Variants in ADK observed in about 807,000 individuals in gnomAD.
ADK encodes adenosine kinase, also known as N6,N6-dimethyladenosine kinase.
In ADK, 24 loss-of-function variants were observed where a neutral mutation model predicts 44.7. That is an observed-to-expected ratio of 0.54 (90% confidence interval 0.39 to 0.76). The LOEUF (loss-of-function observed/expected upper bound fraction) is 0.76. ADK is among the 30% of genes least tolerant of loss of function. The pLI, the probability that ADK is intolerant of heterozygous loss-of-function variation, is 0.00. For synonymous variants in ADK, 128 were observed against 142.6 expected, an observed-to-expected ratio of 0.90 and a Z score of 0.73; for missense variants, 321 against 425.1, an observed-to-expected ratio of 0.76 and a Z score of 2.15.
rs148113062 is a variant in ADK at position 74,176,353 on chromosome 10, T to C, written c.66-24411T>C. On this transcript the variant is annotated intron_variant, in intron 1 of 10. Transcript: ENST00000539909. Reference sequence around the variant, plus strand: ...CTTTTTTTCCCCCCACCTTTGCAGATGGATTTTGCAGGCTGTTAAATCCCA... The same window carrying C: ...CTTTTTTTCCCCCCACCTTTGCAGACGGATTTTGCAGGCTGTTAAATCCCA... 101 of 653,844 alleles carry C rather than the reference T, an allele frequency of 1.5e-4. No individual in the cohort carries two copies. The East Asian group carries it at 0.012, about 75-fold the overall frequency. 40.5% of individuals were successfully genotyped at this position (653,844 alleles called of 1,614,324 possible).
At chr10:74,317,605 G>A (rs535232284) in intron 4 of ADK, among the ~76,000 whole-genome samples, 46 of 151,790 alleles carry the variant, frequency 3.0e-4, no homozygotes, top group African/African-American at 2.4e-5. Context: ...TGACTTCCTT[G>A]GATATGTGCC....
intron 9 of ADK, among the ~76,000 whole-genome samples, chr10:74,638,297 AT>A (rs567078739): frequency 9.7e-4 from 148 of 152,118 alleles, no homozygotes; most frequent in African/African-American, 3.3e-3. Context: ...CATTAGCTTG[AT>A]TTTTTTTATT....
intron 3 of ADK, among the ~76,000 whole-genome samples, chr10:74,254,339 A>C (rs1845750717): frequency 6.6e-6 from 1 of 152,044 alleles, no homozygotes; most frequent in Admixed American, 6.6e-5. Flanking sequence ...CTTCACACCT[A>C]ATTTTGTATT....
intron 6 of ADK, among the ~76,000 whole-genome samples, chr10:74,407,319 T>A (rs942322515): frequency 6.6e-6 from 1 of 152,232 alleles, no homozygotes; most frequent in African/African-American, 2.4e-5. Context: ...AATCTGCCAT[T>A]AATCTCATCC....
At chr10:74,210,351 A>G (rs1843769264) in intron 2 of ADK, among the ~76,000 whole-genome samples, 2 of 150,430 alleles carry the variant, frequency 1.3e-5, no homozygotes, top group Admixed American at 6.6e-5. Context: ...AAAAAAAAAA[A>G]TAGAAAATAC....
intron 7 of ADK, among the ~76,000 whole-genome samples, chr10:74,587,538 C>T (rs920188599): frequency 1.3e-5 from 2 of 152,064 alleles, no homozygotes; most frequent in Non-Finnish European, 2.9e-5. Context: ...GTATTTTTTT[C>T]CCAATGTTTT....
intron 7 of ADK, among the ~76,000 whole-genome samples, chr10:74,548,769 C>T (rs1235495607): frequency 6.6e-6 from 1 of 152,222 alleles, no homozygotes; most frequent in African/African-American, 2.4e-5. Flanking sequence ...ATCCCTTAAA[C>T]AATCTGTACA....
At chr10:74,682,576 T>TTTTCTTTTC (rs199734038) in intron 10 of ADK, among the ~76,000 whole-genome samples, 19 of 83,902 alleles carry the variant, frequency 2.3e-4, no homozygotes, top group South Asian at 5.5e-4. Flanking sequence ...TTTTCTTTTC[T>TTTTCTTTTC]TTTTTTTTTT....
chr10:74,195,692 C>CTTTTCTTTTT (rs1564585525), intron 1 of ADK, among the ~76,000 whole-genome samples: 1 of 115,242 alleles, frequency 8.7e-6, no homozygotes, highest in African/African-American at 3.7e-5. Context: ...TTCTTTCTTT[C>CTTTTCTTTTT]TTTTTCTTTT....
At chr10:74,181,146 A>G (rs930585473) in intron 1 of ADK, among the ~76,000 whole-genome samples, 1 of 152,154 alleles carries the variant, frequency 6.6e-6, no homozygotes, top group Non-Finnish European at 1.5e-5. Flanking sequence ...ACACAGTTAC[A>G]TATCTTGAAC....
intron 2 of ADK, among the ~76,000 whole-genome samples, chr10:74,222,482 A>G (rs549726531): frequency 6.6e-4 from 101 of 151,930 alleles, no homozygotes; most frequent in African/African-American, 2.4e-3. Flanking sequence ...AACTAGAAAT[A>G]CCATTTGACC....
chr10:74,441,452 T>TG (rs1322236152), intron 6 of ADK, among the ~76,000 whole-genome samples: 5 of 152,230 alleles, frequency 3.3e-5, no homozygotes, highest in African/African-American at 1.2e-4. Context: ...TGAATGTTTA[T>TG]GGCAGCATTA....
intron 3 of ADK, among the ~76,000 whole-genome samples, chr10:74,260,177 C>G (rs1043872787): frequency 4.6e-5 from 7 of 152,206 alleles, no homozygotes; most frequent in Non-Finnish European, 1.0e-4. Flanking sequence ...CCACTCCCCC[C>G]AAAATCAGCC....
chr10:74,650,580 C>T (rs1410974634), intron 9 of ADK, among the ~76,000 whole-genome samples: 1 of 152,136 alleles, frequency 6.6e-6, no homozygotes, highest in Non-Finnish European at 1.5e-5. Flanking sequence ...ACTACTAGCA[C>T]AGCCTGTCAG....
At chr10:74,408,335 A>T (rs1309040063) in intron 6 of ADK, among the ~76,000 whole-genome samples, 2 of 152,032 alleles carry the variant, frequency 1.3e-5, no homozygotes, top group Admixed American at 6.6e-5. Flanking sequence ...CTCTATGCGA[A>T]TTCTGTATTG....
chr10:74,347,091 A>T (rs1841793432), intron 4 of ADK, among the ~76,000 whole-genome samples: 1 of 124,876 alleles, frequency 8.0e-6, no homozygotes, highest in African/African-American at 3.4e-5. Flanking sequence ...TGGGCGACAG[A>T]GCGACACTCT....
chr10:74,610,480 A>T (rs1852498351), intron 9 of ADK, among the ~76,000 whole-genome samples: 1 of 152,184 alleles, frequency 6.6e-6, no homozygotes, highest in African/African-American at 2.4e-5. Context: ...AAAAGTTGTA[A>T]AGATGGGTAG....
chr10:74,359,502 A>G (rs1592097858), intron 4 of ADK, among the ~76,000 whole-genome samples: 1 of 152,182 alleles, frequency 6.6e-6, no homozygotes, highest in African/African-American at 2.4e-5. Context: ...GAGGCCAGGG[A>G]TTCAAGACCA....
intron 6 of ADK, among the ~76,000 whole-genome samples, chr10:74,476,265 G>A (rs992547706): frequency 4.6e-5 from 7 of 152,006 alleles, no homozygotes; most frequent in African/African-American, 1.5e-4. Flanking sequence ...AGGCTGAGGC[G>A]GGCAGATCAC....
Sources: allele counts gnomAD v4.1 joint callset (sites outside exome capture counted in the v4.1 genomes callset), GRCh38; gene constraint gnomAD v4.1.1; transcripts MANE v1.5; gene names NCBI Gene and HGNC (gene_info 2026-07-23, HGNC 2026-07-21).